AKR1B10: variants seen among roughly 807,000 people sequenced by gnomAD.
AKR1B10 encodes aldo-keto reductase family 1 member B10.
AKR1B10 carries 39 observed loss-of-function variants against 38.9 expected under a neutral mutation model. The ratio of observed to expected loss-of-function variants is 1.00; its 90% confidence interval spans 0.78 to 1.31. AKR1B10 has a LOEUF of 1.31. Among genes scored for constraint, AKR1B10 ranks in the 50% most tolerant of loss-of-function variants. The probability of loss-of-function intolerance (pLI) is 0.00; values close to 1 mark genes in which losing one functional copy is unlikely to be tolerated. For synonymous variants in AKR1B10, 148 were observed against 141.2 expected, an observed-to-expected ratio of 1.05 and a Z score of -0.34; for missense variants, 361 against 382.6, an observed-to-expected ratio of 0.94 and a Z score of 0.47.
At chr7:134,534,341 C>T (rs1206913409) in intron 4 of AKR1B10, among the ~76,000 whole-genome samples, 2 of 152,126 alleles carry the variant, frequency 1.3e-5, no homozygotes, top group Non-Finnish European at 2.9e-5. Flanking sequence ...AGTCTGGTCT[C>T]GAAGTCCTGA....
rs565285053 is a variant in AKR1B10 at position 134,541,388 on chromosome 7, TA to T, written c.*307del. On this transcript the variant is annotated 3_prime_UTR_variant, in exon 10 of 10. Coordinates refer to ENST00000359579, the MANE Select transcript of AKR1B10 (RefSeq NM_020299.5). ...CCAACACTGAGGATGTAAAGATCAATAAAAAAAATAATAATCATAACCAACA... is the reference window on the plus strand; with the variant it reads ...CCAACACTGAGGATGTAAAGATCAATAAAAAAATAATAATCATAACCAACA... 3.1e-4 allele frequency: 96 copies of T among 309,184 alleles called. No homozygotes were observed. Among genetic ancestry groups the T allele is most frequent in the Admixed American group, 1.3e-3 (24 of 18,590 alleles). The allele number at this position is 309,184 out of a possible 1,614,324, so 19.2% of individuals were successfully genotyped here. A position where few individuals can be genotyped will look rare whatever the true frequency, so the allele number is the denominator to read the frequency against.
chr7:134,531,874 C>A (rs771037167), intron 2 of AKR1B10, 34 bp from the exon 3 acceptor site: 1 of 1,611,898 alleles, frequency 6.2e-7, no homozygotes, highest in African/African-American at 1.3e-5. Context: ...TTCCTTTTCC[C>A]AGTATTAATA....
At chr7:134,536,431 C>A (rs145848010) in intron 4 of AKR1B10, among the ~76,000 whole-genome samples, 43 of 152,200 alleles carry the variant, frequency 2.8e-4, no homozygotes, top group African/African-American at 1.0e-3. Flanking sequence ...AAAATCTTTA[C>A]CTGTTACTCC....
intron 7 of AKR1B10, 29 bp from the exon 8 acceptor site, chr7:134,538,165 T>C: frequency 6.3e-7 from 1 of 1,597,344 alleles, no homozygotes; most frequent in Non-Finnish European, 8.6e-7. Flanking sequence ...TGGAGCTGAG[T>C]GGAAGCCTGA....
rs1161577667 is a variant in AKR1B10 at position 134,536,645 on chromosome 7, G to A, written c.430-5G>A. 1 of 1,613,650 alleles carries A rather than the reference G, an allele frequency of 6.2e-7. No individual in the cohort carries two copies. Among genetic ancestry groups the A allele is most frequent in the African/African-American group, 1.3e-5 (1 of 74,904 alleles). On this transcript the variant is annotated splice_polypyrimidine_tract_variant and splice_region_variant and intron_variant, in intron 4 of 9. Coordinates refer to ENST00000359579, the MANE Select transcript of AKR1B10 (RefSeq NM_020299.5). Reference sequence around the variant, plus strand: ...CTGCCCATAAGGTATTCCTTTCTATGATAGGCCATGGAGGAGCTGGTGGAT... The same window carrying A: ...CTGCCCATAAGGTATTCCTTTCTATAATAGGCCATGGAGGAGCTGGTGGAT...
In AKR1B10 at chr7:134,530,824, T is replaced by C. The variant is rs768931859; in HGVS notation, c.234+14T>C. 5 of 1,601,400 alleles carry C rather than the reference T, an allele frequency of 3.1e-6. No individual in the cohort carries two copies. Among genetic ancestry groups the C allele is most frequent in the Non-Finnish European group, 4.3e-6 (5 of 1,173,874 alleles). ...ATCGTCAGCAAGGTGCAATGGTGCATTTGGTGGGAGGCCTTCACTTCAAGG... is the reference window on the plus strand; with the variant it reads ...ATCGTCAGCAAGGTGCAATGGTGCACTTGGTGGGAGGCCTTCACTTCAAGG... On this transcript the variant is annotated intron_variant, in intron 2 of 9. Transcript: ENST00000359579.
In AKR1B10 at chr7:134,527,679, C is replaced by T. The variant is rs1807717131; in HGVS notation, c.-233C>T. The stretch of plus-strand genomic sequence containing the variant: ...TCAGGAGTTTGAGACCAGCCTGTCT[C>T]TACTAACAATATAAAAATTAGCTGG... On this transcript the variant is annotated 5_prime_UTR_variant, in exon 1 of 10. Transcript: ENST00000359579. 2.7e-6 allele frequency: 1 copy of T among 369,530 alleles called. No homozygotes were observed. Among genetic ancestry groups the T allele is most frequent in the African/African-American group, 2.0e-5 (1 of 48,930 alleles). 22.9% of individuals were successfully genotyped at this position (369,530 alleles called of 1,614,324 possible).
At chr7:134,529,594 C>T (rs1284919284) in intron 1 of AKR1B10, among the ~76,000 whole-genome samples, 1 of 152,108 alleles carries the variant, frequency 6.6e-6, no homozygotes, top group Non-Finnish European at 1.5e-5. Flanking sequence ...CAGCTCGTTT[C>T]TTGTCCAGGT....
At chr7:134,532,243 T>G (rs1807878020) in intron 3 of AKR1B10, among the ~76,000 whole-genome samples, 1 of 152,096 alleles carries the variant, frequency 6.6e-6, no homozygotes, top group Non-Finnish European at 1.5e-5. Flanking sequence ...ATGCCTGGGT[T>G]TTCTTGCAGT....
chr7:134,537,887 A>G (rs1808055269), intron 7 of AKR1B10, among the ~76,000 whole-genome samples: 1 of 151,968 alleles, frequency 6.6e-6, no homozygotes, highest in Admixed American at 6.6e-5. Flanking sequence ...CCTACAGCCC[A>G]GTGGCAAAGC....
chr7:134,532,075 A>T, intron 3 of AKR1B10, 51 bp downstream of exon 3: 4 of 1,604,610 alleles, frequency 2.5e-6, no homozygotes, highest in Non-Finnish European at 3.4e-6. Context: ...GGTGCCAGAA[A>T]ATAGTAGCTG....
intron 9 of AKR1B10, among the ~76,000 whole-genome samples, chr7:134,539,632 T>C (rs561419775): frequency 6.6e-6 from 1 of 152,200 alleles, no homozygotes; most frequent in Admixed American, 6.5e-5. Flanking sequence ...TGAGGTGGGA[T>C]TGTGTTTAGA....
At chr7:134,533,924 A>T (rs1363645417) in intron 4 of AKR1B10, among the ~76,000 whole-genome samples, 2 of 152,324 alleles carry the variant, frequency 1.3e-5, no homozygotes, top group Non-Finnish European at 1.5e-5. Context: ...ACAGTGGCTT[A>T]TGACTCCAAG....
rs1808030623 is a variant in AKR1B10 at position 134,537,046 on chromosome 7, T to C, written c.553-5T>C. 1 of 1,578,020 alleles carries C rather than the reference T, an allele frequency of 6.3e-7. No individual in the cohort carries two copies. The highest frequency in any genetic ancestry group is 8.6e-7 in the Non-Finnish European group (1 of 1,163,294). On this transcript the variant is annotated splice_polypyrimidine_tract_variant and splice_region_variant and intron_variant, in intron 5 of 9. Coordinates refer to ENST00000359579, the MANE Select transcript of AKR1B10 (RefSeq NM_020299.5). ...CCCCGTGATGAGGATTGTTTGCTGT[T>C]GCAGGTTGAGTGTCACCCATACCTC...
intron 4 of AKR1B10, 129 bp downstream of exon 4, chr7:134,533,210 C>T: frequency 1.3e-6 from 1 of 741,636 alleles, no homozygotes; most frequent in South Asian, 2.1e-5. Context: ...TCTAGCTCTT[C>T]TAATATCTTC....
intron 2 of AKR1B10, among the ~76,000 whole-genome samples, chr7:134,531,078 C>A (rs1331745422): frequency 2.0e-5 from 3 of 152,176 alleles, no homozygotes; most frequent in African/African-American, 7.2e-5. Flanking sequence ...CTCCCTGTTC[C>A]CCATCAGAGG....
chr7:134,541,181 T>C lies in AKR1B10; in HGVS notation c.*92T>C. On this transcript the variant is annotated 3_prime_UTR_variant, in exon 10 of 10. Coordinates refer to ENST00000359579, the MANE Select transcript of AKR1B10 (RefSeq NM_020299.5). ...TCATGTCCCATTTTAGCCAAGCTTATTTAAGATCACAGTGAACTTAGTCCT... is the reference window on the plus strand; with the variant it reads ...TCATGTCCCATTTTAGCCAAGCTTACTTAAGATCACAGTGAACTTAGTCCT... 1 of 1,001,400 alleles carries C rather than the reference T, an allele frequency of 1.0e-6. No individual in the cohort carries two copies. 62.0% of individuals were successfully genotyped at this position (1,001,400 alleles called of 1,614,324 possible).
Position 134,536,546 on chromosome 7 carries a change from T to A in AKR1B10, c.430-104T>A. The A allele has an allele frequency of 2.0e-6, 3 of 1,510,130 alleles. No individual in the cohort carries two copies. The South Asian group carries it at 4.1e-5, about 21-fold the overall frequency. 93.5% of individuals were successfully genotyped at this position (1,510,130 alleles called of 1,614,324 possible). A position where few individuals can be genotyped will look rare whatever the true frequency, so the allele number is the denominator to read the frequency against. The stretch of plus-strand genomic sequence containing the variant: ...CTGTGAATGCTTCGGCTAACCCTGT[T>A]ACGGTGGATCCTTTAGCAATTTCTG... On this transcript the variant is annotated intron_variant, in intron 4 of 9. Transcript: ENST00000359579.
At chr7:134,535,821 A>G (rs756144587) in intron 4 of AKR1B10, among the ~76,000 whole-genome samples, 11 of 152,154 alleles carry the variant, frequency 7.2e-5, no homozygotes, top group Admixed American at 1.3e-4. Context: ...CACATTGTAT[A>G]CATTTACATC....
Sources: allele counts gnomAD v4.1 joint callset (sites outside exome capture counted in the v4.1 genomes callset), GRCh38; gene constraint gnomAD v4.1.1; transcripts MANE v1.5; gene names NCBI Gene and HGNC (gene_info 2026-07-23, HGNC 2026-07-21).